The following ASB2 variants were observed in gnomAD, a reference collection of about 807,000 sequenced individuals.
ASB2 encodes the protein ankyrin repeat and SOCS box containing 2, also known as ankyrin repeat and SOCS box protein 2.
In ASB2, 58 loss-of-function variants were observed where a neutral mutation model predicts 62.4. That is an observed-to-expected ratio of 0.93 (90% CI 0.75 to 1.16). The LOEUF is 1.16. Among genes scored for constraint, ASB2 ranks in the 50% most tolerant of loss-of-function variants. The pLI is 0.00. For synonymous variants in ASB2, 386 were observed against 385.3 expected (o/e 1.00, Z -0.02); for missense variants, 928 against 887.9 (o/e 1.05, Z -0.57).
At position 93,939,532 on chromosome 14, in the gene ASB2, G is replaced by A. The variant is rs766278113; in HGVS notation, c.1193C>T (p.Pro398Leu). ...GAGGCGCGCGCGCTCGGGGGCCAGCGGCGTGTTCACGTCGAAGCGCGCGCT... is the reference window on the plus strand; with the variant it reads ...GAGGCGCGCGCGCTCGGGGGCCAGCAGCGTGTTCACGTCGAAGCGCGCGCT... ...LLSARFDVNTPLAPERARLYE... is the reference protein window; with the variant it reads ...LLSARFDVNTLLAPERARLYE... Residue 398 changes from proline (P) to leucine (L), a missense_variant, in exon 8 of 10, where the codon CCG becomes CTG. Pro to Leu is a moderately conservative substitution (Grantham distance 98, BLOSUM62 -3). Coordinates refer to ENST00000555019, the MANE Select transcript of ASB2 (RefSeq NM_001202429.2). 1 of 1,603,822 alleles carries A rather than the reference G, an allele frequency of 6.2e-7. No individual in the cohort carries two copies. Among genetic ancestry groups the A allele is most frequent in the Non-Finnish European group, 8.5e-7 (1 of 1,175,922 alleles).
intron 9 of ASB2, 73 bp from the exon 10 acceptor site, chr14:93,934,865 A>G: frequency 1.5e-6 from 2 of 1,297,354 alleles, no homozygotes; most frequent in South Asian, 2.4e-5. Context: ...CTGTGACCCC[A>G]GCCTATGGGA....
intron 7 of ASB2, among the ~76,000 whole-genome samples, chr14:93,940,835 G>C (rs986712892): frequency 2.0e-5 from 3 of 152,188 alleles, no homozygotes; most frequent in Non-Finnish European, 4.4e-5. Flanking sequence ...GAGATGAGGA[G>C]ACATAAGCCC....
At chr14:93,957,129 C>T (rs548152148) in intron 2 of ASB2, 26 of 1,350,820 alleles carry the variant, frequency 1.9e-5, no homozygotes, top group Non-Finnish European at 2.3e-5. Context: ...GTTAACCTCA[C>T]CCCACCCCCC....
intron 3 of ASB2, among the ~76,000 whole-genome samples, chr14:93,956,226 C>T (rs1278395946): frequency 6.6e-6 from 1 of 152,172 alleles, no homozygotes; most frequent in African/African-American, 2.4e-5. Context: ...GCAAACAGAG[C>T]CCCTGCAGCT....
Position 93,947,412 on chromosome 14 carries a change from G to A in ASB2, c.989C>T (p.Ala330Val), listed in dbSNP as rs1205409819. The A allele has an allele frequency of 1.2e-6, 2 of 1,614,112 alleles. No homozygotes were observed. The highest frequency in any genetic ancestry group is 2.7e-5 in the African/African-American group (2 of 74,936). Residue 330 changes from alanine to valine, a missense_variant, in exon 7 of 10, where the codon GCC becomes GTC. Transcript: ENST00000555019. ...VEFLLSQGAD[A>V]NKTNKDGLLP... ...CAAGCCGTCCTTGTTGGTCTTGTTG[G>A]CGTCGGCACCCTGTGACAGCAGAAA...
chr14:93,961,530 G>T (rs974883729), intron 2 of ASB2, among the ~76,000 whole-genome samples: 9 of 152,240 alleles, frequency 5.9e-5, no homozygotes, highest in African/African-American at 1.9e-4. Flanking sequence ...AAACAGCCAT[G>T]AGAGCAAGTA....
chr14:93,966,911 C>G (rs1349599284), intron 1 of ASB2, among the ~76,000 whole-genome samples: 2 of 152,112 alleles, frequency 1.3e-5, no homozygotes, highest in Non-Finnish European at 2.9e-5. Flanking sequence ...TGTCAGGTGG[C>G]CAGTCTGTGG....
chr14:93,941,425 C>T lies in ASB2; in HGVS notation c.1053-1753G>A, dbSNP rs1437174100. On this transcript the variant is annotated intron_variant, in intron 7 of 9. Coordinates refer to ENST00000555019, the MANE Select transcript of ASB2 (RefSeq NM_001202429.2). ...AGGCTTCCTGGAAATCTGATGCCAG[C>T]GACCTCCTGCTGGGATCTCAGTGGA... is the stretch of plus-strand genomic sequence containing the variant. 13 of 310,766 alleles carry T rather than the reference C, an allele frequency of 4.2e-5. No individual in the cohort carries two copies. In the Admixed American group the frequency reaches 6.0e-4, roughly 14 times the overall value. The allele number at this position is 310,766 out of a possible 1,614,324, so 19.3% of individuals were successfully genotyped here.
intron 5 of ASB2, among the ~76,000 whole-genome samples, chr14:93,952,675 G>A (rs1889013728): frequency 6.6e-6 from 1 of 152,194 alleles, no homozygotes; most frequent in African/African-American, 2.4e-5. Context: ...CCCATTTAAT[G>A]TCTTGGTGCC....
intron 1 of ASB2, among the ~76,000 whole-genome samples, chr14:93,975,043 C>A (rs1317318422): frequency 6.6e-6 from 1 of 152,254 alleles, no homozygotes; most frequent in African/African-American, 2.4e-5. Flanking sequence ...CTGCCACCAG[C>A]TGTCAGGACC....
intron 4 of ASB2, 27 bp from the exon 5 acceptor site, chr14:93,953,534 T>C (rs758490795): frequency 1.9e-6 from 3 of 1,554,064 alleles, no homozygotes; most frequent in Non-Finnish European, 2.6e-6. Flanking sequence ...GGGAAATTCA[T>C]GTAGGAGAAA....
rs1010671437 is a variant in ASB2, at chr14:93,939,591, C to G, written c.1134G>C (p.Glu378Asp). Residue 378 changes from glutamate to aspartate, a missense_variant, in exon 8 of 10, where the codon GAG (glutamate) becomes GAC (aspartate). Transcript: ENST00000555019. ...SGVSPLHLAAERNHDEVLEAL... is the reference protein window; with the variant it reads ...SGVSPLHLAADRNHDEVLEAL... ...CCTCCAGCACCTCGTCGTGGTTGCG[C>G]TCGGCCGCCAGGTGCAGCGGACTGA... 1.9e-6 allele frequency: 3 copies of G among 1,573,360 alleles called. No individual in the cohort carries two copies. The highest frequency in any genetic ancestry group is 1.7e-6 in the Non-Finnish European group (2 of 1,165,306).
intron 1 of ASB2, among the ~76,000 whole-genome samples, chr14:93,966,775 G>A (rs942301142): frequency 6.6e-6 from 1 of 152,060 alleles, no homozygotes; most frequent in African/African-American, 2.4e-5. Flanking sequence ...TCAAGGACCT[G>A]GTTCAGCCCT....
intron 1 of ASB2, among the ~76,000 whole-genome samples, chr14:93,970,928 C>T (rs992108451): frequency 2.0e-5 from 3 of 152,132 alleles, no homozygotes; most frequent in African/African-American, 7.2e-5. Flanking sequence ...GCCGGTGGCC[C>T]CTAAAAATCT....
rs1567031572 is a variant in ASB2 at position 93,964,561 on chromosome 14, G to C, written c.-22C>G. ...CCATCCTCCTCCACCTCTCACCCTGGCCTCCAGAACAGACACCCAGTGGGG... is the reference window on the plus strand; with the variant it reads ...CCATCCTCCTCCACCTCTCACCCTGCCCTCCAGAACAGACACCCAGTGGGG... On this transcript the variant is annotated 5_prime_UTR_variant, in exon 2 of 10. Coordinates refer to ENST00000555019, the MANE Select transcript of ASB2 (RefSeq NM_001202429.2). 1 of 1,535,404 alleles carries C rather than the reference G, an allele frequency of 6.5e-7. No individual in the cohort carries two copies. The highest frequency in any genetic ancestry group is 8.7e-7 in the Non-Finnish European group (1 of 1,146,404).
chr14:93,935,301 C>T lies in ASB2; in HGVS notation c.1772-509G>A, dbSNP rs970358152. On this transcript the variant is annotated intron_variant, in intron 9 of 9. Coordinates refer to ENST00000555019, the MANE Select transcript of ASB2 (RefSeq NM_001202429.2). ...CTCGCCTCGAGCTCCAGAATCCCACCTGGCTGCCTCCCCCAGGAGCCACGT... is the reference window on the plus strand; with the variant it reads ...CTCGCCTCGAGCTCCAGAATCCCACTTGGCTGCCTCCCCCAGGAGCCACGT... Among the ~76,000 whole-genome samples, 3 of 152,326 alleles carry T rather than the reference C, an allele frequency of 2.0e-5. No homozygotes were observed. In the East Asian group the frequency reaches 5.8e-4, roughly 29 times the overall value.
intron 8 of ASB2, among the ~76,000 whole-genome samples, chr14:93,938,263 CAG>C (rs1888351091): frequency 1.5e-5 from 1 of 66,834 alleles, no homozygotes; most frequent in Non-Finnish European, 2.6e-5. Flanking sequence ...TTTTTTGAGA[CAG>C]AGTCTCGCTC....
intron 6 of ASB2, among the ~76,000 whole-genome samples, chr14:93,949,421 T>C (rs2141288508): frequency 6.6e-6 from 1 of 152,336 alleles, no homozygotes; most frequent in South Asian, 2.1e-4. Flanking sequence ...TAATAGTACC[T>C]ACCCCTCGGG....
intron 2 of ASB2, chr14:93,957,370 A>G: frequency 9.8e-7 from 1 of 1,023,858 alleles, no homozygotes; most frequent in Non-Finnish European, 1.2e-6. Context: ...CCCACCTGCC[A>G]GCTCATTAGG....
Sources: gnomAD v4.1 joint callset for allele counts (sites outside exome capture counted in the v4.1 genomes callset) on GRCh38, gnomAD v4.1.1 for gene constraint, MANE v1.5 for transcripts, NCBI Gene and HGNC (gene_info 2026-07-23, HGNC 2026-07-21) for gene names.